NSRP1: variants seen among roughly 807,000 people sequenced by gnomAD.
The protein encoded by NSRP1 is coiled-coil domain containing 55.
A neutral mutation model predicts 54.7 loss-of-function variants in NSRP1; 24 were observed. The observed-to-expected ratio is 0.44, with a 90% CI of 0.32 to 0.62. The LOEUF (loss-of-function observed/expected upper bound fraction) is 0.62, where lower values mean the gene tolerates loss of function less well. NSRP1 is among the 20% of genes least tolerant of loss of function. NSRP1 has a pLI of 0.06. For missense variants in NSRP1, 596 were observed against 651.2 expected (o/e 0.92, Z 0.92); for synonymous variants, 210 against 213.8 (o/e 0.98, Z 0.15).
rs56044869 is a variant in NSRP1 at position 30,172,012 on chromosome 17, T to A, written c.115-530T>A. On this transcript the variant is annotated intron_variant, in intron 2 of 6. Coordinates refer to ENST00000247026, the MANE Select transcript of NSRP1 (RefSeq NM_032141.4). The stretch of plus-strand genomic sequence containing the variant: ...CTCTCTCTCTCTCTCTCTCTCTCTC[T>A]CTCACATGTTCACATGAAGCAAATT... Among the ~76,000 whole-genome samples, 107 of 77,062 alleles carry A rather than the reference T, an allele frequency of 1.4e-3. No homozygotes were observed. In the East Asian group the frequency reaches 0.022, roughly 16 times the overall value. 50.6% of individuals were successfully genotyped at this position (77,062 alleles called of 152,430 possible). A position where few individuals can be genotyped will look rare whatever the true frequency, so the allele number is the denominator to read the frequency against.
intron 2 of NSRP1, among the ~76,000 whole-genome samples, chr17:30,165,361 T>C (rs1436432841): frequency 6.6e-6 from 1 of 152,170 alleles, no homozygotes; most frequent in Non-Finnish European, 1.5e-5. Flanking sequence ...GCAGTGTGGG[T>C]GTACCAGTGT....
At chr17:30,117,863 G>A (rs770964011) in intron 1 of NSRP1, 2 of 394,448 alleles carry the variant, frequency 5.1e-6, no homozygotes, top group Non-Finnish European at 9.0e-6. Context: ...ATTCGAGTTT[G>A]GCCCGTGTCC....
chr17:30,134,362 G>A (rs2071729562), intron 2 of NSRP1, among the ~76,000 whole-genome samples: 1 of 152,208 alleles, frequency 6.6e-6, no homozygotes, highest in Non-Finnish European at 1.5e-5. Flanking sequence ...CTGACATGAA[G>A]TGAACACATG....
chr17:30,171,636 TC>T (rs1488343194), intron 2 of NSRP1, among the ~76,000 whole-genome samples: 1 of 152,088 alleles, frequency 6.6e-6, no homozygotes, highest in African/African-American at 2.4e-5. Flanking sequence ...TTAATTGTCT[TC>T]CCTTTCAGAC....
At chr17:30,159,863 T>C (rs1322377134) in intron 2 of NSRP1, among the ~76,000 whole-genome samples, 2 of 152,152 alleles carry the variant, frequency 1.3e-5, no homozygotes, top group Admixed American at 6.5e-5. Context: ...CGTTTCACCA[T>C]GTTGGCCAGG....
At chr17:30,169,193 G>T (rs1904840983) in intron 2 of NSRP1, among the ~76,000 whole-genome samples, 1 of 151,954 alleles carries the variant, frequency 6.6e-6, no homozygotes, top group African/African-American at 2.4e-5. Flanking sequence ...GTCTGGAAAG[G>T]TATAGCCTTG....
intron 2 of NSRP1, among the ~76,000 whole-genome samples, chr17:30,149,541 A>T (rs916852572): frequency 6.6e-6 from 1 of 152,178 alleles, no homozygotes; most frequent in African/African-American, 2.4e-5. Context: ...ATTGAGATAA[A>T]GTTCACATAG....
chr17:30,122,225 G>A (rs886961098), intron 2 of NSRP1, among the ~76,000 whole-genome samples: 6 of 149,814 alleles, frequency 4.0e-5, no homozygotes, highest in Admixed American at 1.3e-4. Context: ...CCCAATTTCT[G>A]GCAATAATGC....
At chr17:30,155,023 A>T (rs1187339054) in intron 2 of NSRP1, among the ~76,000 whole-genome samples, 1 of 152,124 alleles carries the variant, frequency 6.6e-6, no homozygotes, top group Non-Finnish European at 1.5e-5. Context: ...CTGGATATAT[A>T]CTTTTTAGTT....
At chr17:30,170,277 C>T (rs1413321284) in intron 2 of NSRP1, among the ~76,000 whole-genome samples, 3 of 151,994 alleles carry the variant, frequency 2.0e-5, no homozygotes, top group Middle Eastern at 3.2e-3. Flanking sequence ...TACAGTAAAG[C>T]AAATTAACAT....
chr17:30,119,095 C>G (rs906240445), intron 2 of NSRP1, among the ~76,000 whole-genome samples: 6 of 142,630 alleles, frequency 4.2e-5, no homozygotes, highest in Admixed American at 2.8e-4. Context: ...ATTTTTTTTT[C>G]TTTTTTTTTT....
intron 2 of NSRP1, among the ~76,000 whole-genome samples, chr17:30,121,644 A>G (rs2071598644): frequency 6.7e-6 from 1 of 150,080 alleles, no homozygotes; most frequent in African/African-American, 2.5e-5. Context: ...GCTCACTGCA[A>G]CTGCAACCTC....
chr17:30,178,529 T>C (rs1905200492), intron 4 of NSRP1, among the ~76,000 whole-genome samples: 1 of 152,186 alleles, frequency 6.6e-6, no homozygotes, highest in Non-Finnish European at 1.5e-5. Flanking sequence ...ACCCTCTCAT[T>C]TTTTCATTTC....
intron 2 of NSRP1, among the ~76,000 whole-genome samples, chr17:30,156,927 G>A (rs1171613046): frequency 4.6e-5 from 7 of 152,138 alleles, no homozygotes; most frequent in Non-Finnish European, 8.8e-5. Context: ...TATTTTGGCT[G>A]TTGTGAGTAG....
At chr17:30,163,524 G>A (rs1904612057) in intron 2 of NSRP1, among the ~76,000 whole-genome samples, 1 of 151,474 alleles carries the variant, frequency 6.6e-6, no homozygotes, top group Non-Finnish European at 1.5e-5. Flanking sequence ...CTCCCTTTTA[G>A]GTCATATCTG....
intron 2 of NSRP1, among the ~76,000 whole-genome samples, chr17:30,153,798 G>A (rs1159728384): frequency 6.6e-6 from 1 of 152,076 alleles, no homozygotes; most frequent in East Asian, 1.9e-4. Flanking sequence ...TAATATGATA[G>A]CCAGTTTAGT....
intron 6 of NSRP1, among the ~76,000 whole-genome samples, chr17:30,182,937 AAAT>A (rs976126775): frequency 6.6e-6 from 1 of 152,126 alleles, no homozygotes; most frequent in Non-Finnish European, 1.5e-5. Flanking sequence ...CTGTCTCAAA[AAAT>A]AATAATAATA....
At chr17:30,128,568 C>G (rs1214327067) in intron 2 of NSRP1, among the ~76,000 whole-genome samples, 1 of 152,126 alleles carries the variant, frequency 6.6e-6, no homozygotes, top group Non-Finnish European at 1.5e-5. Flanking sequence ...TAAAAGTTGA[C>G]TATTGTTTAC....
intron 2 of NSRP1, among the ~76,000 whole-genome samples, chr17:30,146,216 C>A (rs76851981): frequency 0.014 from 2,067 of 152,192 alleles, 49 homozygotes; most frequent in African/African-American, 0.047. Flanking sequence ...CTCTACACTT[C>A]TTTTTCAAAC....
Sources: allele counts gnomAD v4.1 joint callset (sites outside exome capture counted in the v4.1 genomes callset), GRCh38; gene constraint gnomAD v4.1.1; transcripts MANE v1.5; gene names NCBI Gene and HGNC (gene_info 2026-07-23, HGNC 2026-07-21).